TRPM4: variants seen among roughly 807,000 people sequenced by gnomAD.
TRPM4 encodes the protein transient receptor potential cation channel subfamily M member 4, also known as calcium-activated non-selective cation channel 1.
A neutral mutation model predicts 135.6 loss-of-function variants in TRPM4; 124 were observed. The ratio of observed to expected loss-of-function variants is 0.91; its 90% CI spans 0.79 to 1.06. The LOEUF (loss-of-function observed/expected upper bound fraction) is 1.06, where lower values mean the gene tolerates loss of function less well. Among genes scored for constraint, TRPM4 ranks in the 50% least tolerant of loss-of-function variants. The pLI, the probability that TRPM4 is intolerant of heterozygous loss-of-function variation, is 0.00. For synonymous variants in TRPM4, 745 were observed against 705.6 expected (o/e 1.06, Z -0.88); for missense variants, 1,658 against 1,671.4 (o/e 0.99, Z 0.14).
intron 18 of TRPM4, 89 bp from the exon 19 acceptor site, chr19:49,200,522 T>G: frequency 6.3e-7 from 1 of 1,594,712 alleles, no homozygotes; most frequent in East Asian, 2.2e-5. Flanking sequence ...GGGCGTGACT[T>G]TGGGGAGCAA....
At chr19:49,165,901 CA>C (rs1967152652) in intron 2 of TRPM4, 139 bp from the exon 3 acceptor site, 3 of 862,078 alleles carry the variant, frequency 3.5e-6, no homozygotes, top group Non-Finnish European at 5.3e-6. Flanking sequence ...GAGCCAGGGC[CA>C]GGGGCAGCGT....
At position 49,188,728 on chromosome 19, in the gene TRPM4, C is replaced by A. The variant is rs753056917; in HGVS notation, c.1831C>A (p.Arg611=). The A allele has an allele frequency of 6.2e-7, 1 of 1,614,200 alleles. No individual in the cohort carries two copies. The highest frequency in any genetic ancestry group is 8.5e-7 in the Non-Finnish European group (1 of 1,180,042). The change falls in exon 13 of 25, where the codon CGG becomes AGG. Residue 611 remains arginine, a synonymous_variant. Coordinates refer to ENST00000252826, the MANE Select transcript of TRPM4 (RefSeq NM_017636.4). ...RLEPDAEEAA[R]RKDLAFKFEG... is the part of the protein sequence containing the mutation. ...GGAGCCTGACGCTGAGGAGGCAGCACGGAGGAAAGACCTGGCGTTCAAGTT... is the reference window on the plus strand; with the variant it reads ...GGAGCCTGACGCTGAGGAGGCAGCAAGGAGGAAAGACCTGGCGTTCAAGTT...
At position 49,210,758 on chromosome 19, in the gene TRPM4, C is replaced by A; in HGVS notation, c.3377C>A (p.Ser1126Ter). The change falls in exon 22 of 25, where the codon TCG (serine) becomes TAG (stop). Residue 1126 changes from serine (S) to a stop codon, truncating the protein, a stop_gained. Transcript: ENST00000252826. LOFTEE classifies it high-confidence loss of function. The surrounding 1 kb of genome is among the most constrained non-coding windows in gnomAD (Gnocchi z 4.1). ...EAERKLLTWE[S>*]VHKENFLLAR... ...GAGCGGAAGCTGCTAACGTGGGAAT[C>A]GGTGCATAAGGAGAACTTTCTGCTG... 3 of 1,614,148 alleles carry A rather than the reference C, an allele frequency of 1.9e-6. No homozygotes were observed. The highest frequency in any genetic ancestry group is 1.1e-5 in the South Asian group (1 of 91,052).
At chr19:49,189,916 A>C (rs963119704) in intron 14 of TRPM4, among the ~76,000 whole-genome samples, 1 of 152,122 alleles carries the variant, frequency 6.6e-6, no homozygotes, top group African/African-American at 2.4e-5. Flanking sequence ...TGTACCAAGG[A>C]GGAGATACTA....
In TRPM4 at chr19:49,171,701, C is replaced by T. The variant is rs759820855; in HGVS notation, c.982C>T (p.Gln328Ter). Residue 328 changes from glutamine (Q) to a stop codon, truncating the protein, a stop_gained, in exon 8 of 25, where the codon CAA becomes TAA. Coordinates refer to ENST00000252826, the MANE Select transcript of TRPM4 (RefSeq NM_017636.4). LOFTEE classifies it high-confidence loss of function. This position sits in a 1 kb window ranked among gnomAD's most constrained non-coding sequence, Gnocchi z 4.7. ...GGCCCCAGGGAGTGGGGGAGCCAGG[C>T]AAGGCGAAGCCCGAGATCGAATCAG... Reference protein sequence around the residue: ...TLAPGSGGARQGEARDRIRRF... With the variant: ...TLAPGSGGAR The T allele has an allele frequency of 1.9e-6, 3 of 1,613,936 alleles. No individual in the cohort carries two copies. The highest frequency in any genetic ancestry group is 2.5e-6 in the Non-Finnish European group (3 of 1,180,012).
In TRPM4 at chr19:49,210,485, A is replaced by C. The variant is rs1600544338; in HGVS notation, c.3328+80A>C. 1 of 1,544,040 alleles carries C rather than the reference A, an allele frequency of 6.5e-7. No homozygotes were observed. The highest frequency in any genetic ancestry group is 1.4e-5 in the African/African-American group (1 of 73,742). ...AGGCGAGGGGAAGGGGGCATGCCCC[A>C]AATGACTAACGGGCGTGGCTTAGGT... is the stretch of plus-strand genomic sequence containing the variant. On this transcript the variant is annotated intron_variant, in intron 21 of 24. Transcript: ENST00000252826. The surrounding 1 kb of genome is among the most constrained non-coding windows in gnomAD (Gnocchi z 4.1).
rs1233306400 is a variant in TRPM4 at position 49,211,223 on chromosome 19, G to A, written c.3594G>A (p.Leu1198=). 6.3e-7 allele frequency: 1 copy of A among 1,596,698 alleles called. No individual in the cohort carries two copies. Among genetic ancestry groups the A allele is most frequent in the Non-Finnish European group, 8.5e-7 (1 of 1,172,338 alleles). ...CCGAGGCCCTGAGCCGCTCTGCCTTGCTGCCCCCAGGTGGGCCGCCACCCC... is the reference window on the plus strand; with the variant it reads ...CCGAGGCCCTGAGCCGCTCTGCCTTACTGCCCCCAGGTGGGCCGCCACCCC... ...WVAEALSRSA[L]LPPGGPPPPD... is the part of the protein sequence containing the mutation. The change falls in exon 24 of 25, where the codon TTG becomes TTA. Residue 1198 remains leucine (L), a synonymous_variant. Transcript: ENST00000252826. The surrounding 1 kb of genome is among the most constrained non-coding windows in gnomAD (Gnocchi z 4.8).
intron 20 of TRPM4, among the ~76,000 whole-genome samples, chr19:49,206,003 C>T (rs1243418632): frequency 6.6e-6 from 1 of 152,316 alleles, no homozygotes; most frequent in East Asian, 1.9e-4. Flanking sequence ...TCTTGTCACC[C>T]AGGCGGGATT....
chr19:49,177,064 A>C (rs1182471642), intron 9 of TRPM4, among the ~76,000 whole-genome samples: 3 of 151,770 alleles, frequency 2.0e-5, no homozygotes, highest in Non-Finnish European at 4.4e-5. Flanking sequence ...ATATGATTCC[A>C]TTTCCTCTGG....
chr19:49,190,854 T>A lies in TRPM4; in HGVS notation c.2210+81T>A, dbSNP rs889997663. The A allele has an allele frequency of 3.9e-6, 5 of 1,281,738 alleles. No homozygotes were observed. In the Admixed American group the frequency reaches 7.3e-5, roughly 19 times the overall value. 79.4% of individuals were successfully genotyped at this position (1,281,738 alleles called of 1,614,324 possible). A position where few individuals can be genotyped will look rare whatever the true frequency, so the allele number is the denominator to read the frequency against. ...ATGTGCCAGTTCCACGTTGTGTTAG[T>A]CCCCTCTTGAGTTGCTACAAAGTTG... On this transcript the variant is annotated intron_variant, in intron 16 of 24. Transcript: ENST00000252826.
intron 2 of TRPM4, among the ~76,000 whole-genome samples, chr19:49,162,838 T>C (rs1967017883): frequency 6.6e-6 from 1 of 151,120 alleles, no homozygotes. Flanking sequence ...CTTGGCTCAC[T>C]GCAACCTCCG....
intron 3 of TRPM4, among the ~76,000 whole-genome samples, chr19:49,167,178 CATG>C (rs1967232479): frequency 4.8e-5 from 5 of 103,632 alleles, no homozygotes; most frequent in Non-Finnish European, 8.5e-5. Flanking sequence ...GTCTCTGTCC[CATG>C]TCTCTGGGTC....
At chr19:49,175,723 C>T (rs1334460016) in intron 9 of TRPM4, among the ~76,000 whole-genome samples, 5 of 149,086 alleles carry the variant, frequency 3.4e-5, no homozygotes, top group Admixed American at 2.7e-4. Context: ...TGCAGTGGCG[C>T]GATCTCGGCT....
intron 12 of TRPM4, among the ~76,000 whole-genome samples, chr19:49,185,740 TTTTC>T (rs1219146399): frequency 6.6e-6 from 1 of 151,976 alleles, no homozygotes; most frequent in Non-Finnish European, 1.5e-5. Context: ...GACTTTTCTT[TTTTC>T]TTTTTCTTTT....
At position 49,171,879 on chromosome 19, in the gene TRPM4, G is replaced by A; in HGVS notation, c.1050+110G>A. On this transcript the variant is annotated intron_variant, in intron 8 of 24. Coordinates refer to ENST00000252826, the MANE Select transcript of TRPM4 (RefSeq NM_017636.4). This position sits in a 1 kb window ranked among gnomAD's most constrained non-coding sequence, Gnocchi z 4.7. ...GGGGGCCTGGACTTCCAGGTTCCGG[G>A]AGAAGAGGGTGCTGGGCATATAGAC... is the stretch of plus-strand genomic sequence containing the variant. 7.1e-7 allele frequency: 1 copy of A among 1,407,650 alleles called. No individual in the cohort carries two copies. Among genetic ancestry groups the A allele is most frequent in the Non-Finnish European group, 1.0e-6 (1 of 1,004,910 alleles). 87.2% of individuals were successfully genotyped at this position (1,407,650 alleles called of 1,614,324 possible).
chr19:49,177,012 G>A (rs77823702), intron 9 of TRPM4, among the ~76,000 whole-genome samples: 5,731 of 152,118 alleles, frequency 0.038, 319 homozygotes, highest in African/African-American at 0.12. Context: ...TATGAGTTGT[G>A]CCCGGTCCCG....
chr19:49,171,739 C>T lies in TRPM4; in HGVS notation c.1020C>T (p.Pro340=). The part of the protein sequence containing the change: ...EARDRIRRFF[P]KGDLEVLQAQ... ...GAGATCGAATCAGGCGTTTCTTTCC[C>T]AAAGGGGACCTTGAGGTCCTGCAGG... The change falls in exon 8 of 25, where the codon CCC becomes CCT. Residue 340 remains proline (P), a synonymous_variant. Transcript: ENST00000252826. The surrounding 1 kb of genome is among the most constrained non-coding windows in gnomAD (Gnocchi z 4.7). The T allele has an allele frequency of 1.2e-6, 2 of 1,612,118 alleles. No individual in the cohort carries two copies. The highest frequency in any genetic ancestry group is 1.7e-6 in the Non-Finnish European group (2 of 1,179,924).
chr19:49,209,004 G>C (rs568518909), intron 20 of TRPM4, among the ~76,000 whole-genome samples: 1 of 150,944 alleles, frequency 6.6e-6, no homozygotes, highest in East Asian at 1.9e-4. Flanking sequence ...TTTGTCAAAT[G>C]CCTTTTCTGT....
At chr19:49,191,360 C>T (rs374652399) in intron 16 of TRPM4, among the ~76,000 whole-genome samples, 4 of 151,654 alleles carry the variant, frequency 2.6e-5, no homozygotes, top group East Asian at 3.9e-4. Context: ...CATGCCACTA[C>T]GCCCAGCTAA....
Sources: gnomAD v4.1 joint callset for allele counts (sites outside exome capture counted in the v4.1 genomes callset) on GRCh38, gnomAD v4.1.1 for gene constraint, Gnocchi (gnomAD v3.1) non-coding constraint, MANE v1.5 for transcripts, NCBI Gene and HGNC (gene_info 2026-07-23, HGNC 2026-07-21) for gene names.